Variants in HIP1 observed in about 807,000 individuals in gnomAD.
HIP1 encodes huntingtin interacting protein 1.
Under a neutral mutation model 147.6 loss-of-function variants are expected in HIP1, and 65 were observed. That is an observed-to-expected ratio of 0.44 (90% confidence interval 0.36 to 0.54). HIP1 has a LOEUF of 0.54. Ranked by LOEUF, HIP1 falls within the 20% of genes least tolerant of loss-of-function variation. The pLI is 0.00. For synonymous variants in HIP1, 479 were observed against 504.0 expected (o/e 0.95, Z 0.67); for missense variants, 1,061 against 1,299.6 (o/e 0.82, Z 2.82).
At chr7:75,600,202 C>T (rs587760374) in intron 1 of HIP1, among the ~76,000 whole-genome samples, 1 of 152,138 alleles carries the variant, frequency 6.6e-6, no homozygotes, top group East Asian at 1.9e-4. Flanking sequence ...CCCCTGCCTC[C>T]TGTGTTAAAG....
intron 1 of HIP1, among the ~76,000 whole-genome samples, chr7:75,676,004 C>A (rs1186592251): frequency 6.6e-6 from 1 of 151,994 alleles, no homozygotes; most frequent in Non-Finnish European, 1.5e-5. Flanking sequence ...TTTTTGCTTT[C>A]TTTGCATGTT....
At chr7:75,603,812 G>T (rs1276621336) in intron 1 of HIP1, among the ~76,000 whole-genome samples, 1 of 151,730 alleles carries the variant, frequency 6.6e-6, no homozygotes, top group African/African-American at 2.4e-5. Flanking sequence ...GGCAGAGGTT[G>T]CAGTGAGCCG....
intron 1 of HIP1, among the ~76,000 whole-genome samples, chr7:75,723,979 CAG>C (rs1449998503): frequency 6.6e-6 from 1 of 151,318 alleles, no homozygotes; most frequent in Non-Finnish European, 1.5e-5. Context: ...GAAAGAGAGA[CAG>C]AGTCTCGCTC....
At chr7:75,543,898 T>C (rs1245697671) in intron 27 of HIP1, among the ~76,000 whole-genome samples, 3 of 152,006 alleles carry the variant, frequency 2.0e-5, no homozygotes, top group African/African-American at 7.2e-5. Flanking sequence ...TAAGGCCAGG[T>C]GTGGTGGCTC....
At chr7:75,724,272 TGA>T (rs1277853833) in intron 1 of HIP1, among the ~76,000 whole-genome samples, 2 of 146,132 alleles carry the variant, frequency 1.4e-5, no homozygotes, top group Admixed American at 7.0e-5. Flanking sequence ...TTTTTGAGGC[TGA>T]GTCTCACTCT....
chr7:75,570,996 C>G (rs147456076), intron 8 of HIP1, among the ~76,000 whole-genome samples: 1 of 151,774 alleles, frequency 6.6e-6, no homozygotes, highest in South Asian at 2.1e-4. Flanking sequence ...GGCAACAGAG[C>G]GAGACCCTGT....
rs1554492703 is a variant in HIP1 at position 75,554,152 on chromosome 7, C to T, written c.2119G>A (p.Ala707Thr). Residue 707 changes from alanine to threonine, a missense_variant, in exon 21 of 31, where the codon GCC (alanine) becomes ACC (threonine). Physicochemically the swap from Ala to Thr is moderately conservative, Grantham distance 58. Coordinates refer to ENST00000336926, the MANE Select transcript of HIP1 (RefSeq NM_005338.7). ...GGTGGGGCTCTGAGGCAGGTGGTGG[C>T]ACCATGAGCAATGGCGTCGCTGGTC... ...HLTSDAIAHG[A>T]TTCLRAPPEP... The T allele has an allele frequency of 1.2e-6, 2 of 1,613,992 alleles. No homozygotes were observed. The highest frequency in any genetic ancestry group is 8.5e-7 in the Non-Finnish European group (1 of 1,179,978).
intron 25 of HIP1, among the ~76,000 whole-genome samples, chr7:75,546,453 T>A (rs1167535065): frequency 6.6e-6 from 1 of 151,924 alleles, no homozygotes; most frequent in Non-Finnish European, 1.5e-5. Context: ...TATGGGGAAA[T>A]GGGAAAAAAA....
chr7:75,584,706 G>A (rs782196133), intron 5 of HIP1, among the ~76,000 whole-genome samples: 30 of 152,012 alleles, frequency 2.0e-4, no homozygotes, highest in Non-Finnish European at 2.9e-4. Flanking sequence ...TATCAGCCCC[G>A]CAGCCCCACT....
intron 1 of HIP1, among the ~76,000 whole-genome samples, chr7:75,730,790 T>C (rs1554522933): frequency 2.0e-5 from 3 of 150,112 alleles, no homozygotes; most frequent in African/African-American, 7.4e-5. Flanking sequence ...TGGAGTGCAG[T>C]GGTGTGATCT....
chr7:75,639,039 G>A, intron 1 of HIP1: 1 of 980,140 alleles, frequency 1.0e-6, no homozygotes, highest in Non-Finnish European at 1.2e-6. Context: ...CAAAGCCCCT[G>A]CTCACACTTA....
At chr7:75,583,666 T>G (rs237234) in intron 5 of HIP1, among the ~76,000 whole-genome samples, 55,015 of 151,568 alleles carry the variant, frequency 0.36, 11,033 homozygotes, top group African/African-American at 0.54. Context: ...CATCACTCAC[T>G]GCAGCCTCGA....
At chr7:75,689,405 G>A in intron 1 of HIP1, among the ~76,000 whole-genome samples, 1 of 151,926 alleles carries the variant, frequency 6.6e-6, no homozygotes, top group East Asian at 1.9e-4. Flanking sequence ...TTGGGAGGCT[G>A]AAGGAGGAGG....
intron 4 of HIP1, 107 bp downstream of exon 4, chr7:75,591,949 C>T: frequency 1.1e-6 from 1 of 923,444 alleles, no homozygotes; most frequent in Non-Finnish European, 1.8e-6. Flanking sequence ...GAGAAATCCT[C>T]AACAAGCTGA....
intron 1 of HIP1, among the ~76,000 whole-genome samples, chr7:75,653,484 T>A (rs1183610655): frequency 6.6e-6 from 1 of 151,518 alleles, no homozygotes; most frequent in East Asian, 1.9e-4. Flanking sequence ...GAGACCCCCA[T>A]CTCTACAAAA....
At chr7:75,559,705 C>A in intron 14 of HIP1, 27 bp downstream of exon 14, 1 of 446,388 alleles carries the variant, frequency 2.2e-6, no homozygotes, top group Non-Finnish European at 4.2e-6. Flanking sequence ...CCCCCGGGGC[C>A]CGCCCCCGCC....
chr7:75,693,767 C>T (rs1190988908), intron 1 of HIP1, among the ~76,000 whole-genome samples: 9 of 66,330 alleles, frequency 1.4e-4, no homozygotes, highest in Admixed American at 1.0e-3. Flanking sequence ...CCCAGCTACT[C>T]GGGGGAAGGG....
At chr7:75,549,582 CT>C (rs1177678783) in intron 22 of HIP1, among the ~76,000 whole-genome samples, 1 of 151,820 alleles carries the variant, frequency 6.6e-6, no homozygotes, top group Non-Finnish European at 1.5e-5. Context: ...TTTGCCCAGG[CT>C]GGTCTCAAAC....
At chr7:75,622,309 A>G (rs1412997758) in intron 1 of HIP1, among the ~76,000 whole-genome samples, 1 of 151,956 alleles carries the variant, frequency 6.6e-6, no homozygotes, top group Non-Finnish European at 1.5e-5. Context: ...AGCTACATTT[A>G]TAAATTTGGA....
Sources: allele counts gnomAD v4.1 joint callset (sites outside exome capture counted in the v4.1 genomes callset), GRCh38; gene constraint gnomAD v4.1.1; transcripts MANE v1.5; gene names NCBI Gene and HGNC (gene_info 2026-07-23, HGNC 2026-07-21).